Variants in TENM4 observed in about 807,000 individuals in gnomAD.
TENM4 encodes teneurin-4.
In TENM4, 82 loss-of-function variants were observed where a neutral mutation model predicts 243.3. The ratio of observed to expected loss-of-function variants is 0.34; its 90% CI spans 0.28 to 0.40. TENM4 has a LOEUF of 0.40. Among genes scored for constraint, TENM4 ranks in the 10% least tolerant of loss-of-function variants. TENM4 has a pLI of 1.00. For synonymous variants in TENM4, 1,412 were observed against 1,456.3 expected, an observed-to-expected ratio of 0.97 and a Z score of 0.69; for missense variants, 3,138 against 3,673.3, an observed-to-expected ratio of 0.85 and a Z score of 3.77.
intron 15 of TENM4, among the ~76,000 whole-genome samples, chr11:78,788,945 C>A (rs536947062): frequency 6.6e-6 from 1 of 151,970 alleles, no homozygotes; most frequent in African/African-American, 2.4e-5. Flanking sequence ...TGAAAAGCAC[C>A]CCCTCCTCTG....
Position 78,978,347 on chromosome 11 carries a change from T to TAAGAAAAGAAAAGAAAAGAAAAGAA in TENM4, c.494-74849_494-74825dup, listed in dbSNP as rs61346145. On this transcript the variant is annotated intron_variant, in intron 6 of 33. Coordinates refer to ENST00000278550, the MANE Select transcript of TENM4 (RefSeq NM_001098816.3). ...TACACATGTACCCCAGAACTTAAAG[T>TAAGAAAAGAAAAGAAAAGAAAAGAA]AAGAAAAGAAAAGAAAAGAAAAGAA... Among the ~76,000 whole-genome samples the TAAGAAAAGAAAAGAAAAGAAAAGAA allele has an allele frequency of 9.9e-4, 136 of 137,936 alleles. 1 individual carries two copies. In the East Asian group the frequency reaches 0.016, roughly 17 times the overall value. The allele number at this position is 137,936 out of a possible 152,430, so 90.5% of individuals were successfully genotyped here. A position where few individuals can be genotyped will look rare whatever the true frequency, so the allele number is the denominator to read the frequency against.
intron 2 of TENM4, among the ~76,000 whole-genome samples, chr11:79,239,727 A>G (rs967389773): frequency 2.0e-5 from 3 of 152,128 alleles, no homozygotes; most frequent in Non-Finnish European, 2.9e-5. Flanking sequence ...TTCCTGGGGC[A>G]CTCTGCGGAG....
intron 16 of TENM4, among the ~76,000 whole-genome samples, chr11:78,780,970 C>A (rs1161533565): frequency 6.6e-6 from 1 of 152,146 alleles, no homozygotes; most frequent in African/African-American, 2.4e-5. Flanking sequence ...AGCCCCCGAG[C>A]CACACTGTGA....
chr11:78,716,156 G>A (rs929208983), intron 25 of TENM4, among the ~76,000 whole-genome samples: 4 of 152,042 alleles, frequency 2.6e-5, no homozygotes, highest in African/African-American at 4.8e-5. Context: ...AATTCCAACC[G>A]AGTTCTGCTT....
intron 6 of TENM4, among the ~76,000 whole-genome samples, chr11:78,992,259 G>A (rs529172395): frequency 2.6e-5 from 4 of 152,298 alleles, no homozygotes; most frequent in African/African-American, 9.6e-5. Context: ...GCAGGCACAT[G>A]GACTTTTTGT....
At chr11:78,668,297 T>C (rs958772722) in intron 32 of TENM4, among the ~76,000 whole-genome samples, 1 of 152,208 alleles carries the variant, frequency 6.6e-6, no homozygotes, top group Non-Finnish European at 1.5e-5. Context: ...TTTTTATCTT[T>C]TTAGTGGTTT....
chr11:78,880,991 G>A (rs538651789), intron 9 of TENM4, among the ~76,000 whole-genome samples: 10 of 152,310 alleles, frequency 6.6e-5, no homozygotes, highest in South Asian at 4.1e-4. Context: ...TGGTGGTCAC[G>A]TAACTCTACC....
chr11:79,284,471 A>G (rs1033391660), intron 2 of TENM4, among the ~76,000 whole-genome samples: 1 of 152,212 alleles, frequency 6.6e-6, no homozygotes, highest in African/African-American at 2.4e-5. Context: ...TTGTCAGGAA[A>G]TGATGCCAAG....
At chr11:79,130,029 C>G (rs1399144514) in intron 4 of TENM4, among the ~76,000 whole-genome samples, 1 of 152,192 alleles carries the variant, frequency 6.6e-6, no homozygotes, top group Non-Finnish European at 1.5e-5. Context: ...GTATACACCA[C>G]TGAGAGACCC....
intron 3 of TENM4, among the ~76,000 whole-genome samples, chr11:79,190,439 C>T (rs1021812099): frequency 3.9e-5 from 6 of 152,140 alleles, no homozygotes; most frequent in Non-Finnish European, 5.9e-5. Context: ...CTTTGGAGGG[C>T]AGGACTAAGT....
rs1046830439 is a variant in TENM4 at position 78,903,500 on chromosome 11, G to T, written c.517C>A (p.His173Asn). The T allele has an allele frequency of 6.5e-7, 1 of 1,547,596 alleles. No homozygotes were observed. Among genetic ancestry groups the T allele is most frequent in the Non-Finnish European group, 8.7e-7 (1 of 1,146,498 alleles). ...ETDHPGGLQN[H>N]ARLRTPPPPL... ...GGCGGCGGCGTCCGGAGCCGCGCGT[G>T]GTTCTGCAGGCCGCCCGGATGATCT... The change falls in exon 7 of 34, where the codon CAC becomes AAC. Residue 173 changes from histidine (H) to asparagine (N), a missense_variant. By Grantham distance (68) the His-to-Asn change is moderately conservative. This residue lies in a region of TENM4 where 671 missense variants were observed against 614.1 expected (regional missense o/e 1.09). Transcript: ENST00000278550.
At chr11:78,684,505 C>A (rs1858609777) in intron 29 of TENM4, among the ~76,000 whole-genome samples, 1 of 152,134 alleles carries the variant, frequency 6.6e-6, no homozygotes. Flanking sequence ...CTATCTCCAC[C>A]ATCCCATTTC....
intron 2 of TENM4, among the ~76,000 whole-genome samples, chr11:79,279,662 T>A (rs570018006): frequency 6.6e-6 from 1 of 152,232 alleles, no homozygotes; most frequent in African/African-American, 2.4e-5. Flanking sequence ...TTATTCCTGT[T>A]CCACTGAGCC....
chr11:78,944,449 T>G (rs527480099), intron 6 of TENM4, among the ~76,000 whole-genome samples: 34 of 152,318 alleles, frequency 2.2e-4, no homozygotes, highest in Non-Finnish European at 3.5e-4. Flanking sequence ...AAACAACAAA[T>G]TGAAGTTTCT....
At chr11:78,838,455 C>T (rs1285644689) in intron 12 of TENM4, among the ~76,000 whole-genome samples, 9 of 152,188 alleles carry the variant, frequency 5.9e-5, no homozygotes, top group East Asian at 5.8e-4. Flanking sequence ...TCTTCAGTGA[C>T]TTTAGTGCTT....
At chr11:79,148,915 T>C (rs137888388) in intron 3 of TENM4, 109 bp from the exon 4 acceptor site, 2,101 of 178,082 alleles carry the variant, frequency 0.012, 43 homozygotes, top group East Asian at 0.074. Flanking sequence ...GACGTGGGCA[T>C]GGGCATTAGT....
chr11:79,251,684 A>G (rs1469490085), intron 2 of TENM4, among the ~76,000 whole-genome samples: 2 of 152,320 alleles, frequency 1.3e-5, no homozygotes, highest in African/African-American at 4.8e-5. Flanking sequence ...TTGACATACT[A>G]AAATACTCTG....
intron 1 of TENM4, among the ~76,000 whole-genome samples, chr11:79,390,270 C>A (rs1053416795): frequency 6.6e-6 from 1 of 152,188 alleles, no homozygotes; most frequent in Non-Finnish European, 1.5e-5. Context: ...CCACCAGCAC[C>A]ATCCCTTCCT....
intron 7 of TENM4, among the ~76,000 whole-genome samples, chr11:78,899,562 G>GGGT (rs1555098921): frequency 7.4e-6 from 1 of 135,250 alleles, no homozygotes; most frequent in Non-Finnish European, 1.6e-5. Context: ...CAAAAAGCGG[G>GGGT]GGGGGGGGGA....
Sources: gnomAD v4.1 joint callset for allele counts (sites outside exome capture counted in the v4.1 genomes callset) on GRCh38, gnomAD v4.1.1 for gene constraint, gnomAD v4.1.1 regional missense constraint, MANE v1.5 for transcripts, NCBI Gene and HGNC (gene_info 2026-07-23, HGNC 2026-07-21) for gene names.